Variants in ZNF566 observed in about 807,000 individuals in gnomAD.
ZNF566 encodes the protein zinc finger protein 566.
Under a neutral mutation model 32.8 loss-of-function variants are expected in ZNF566, and 27 were observed. That is an observed-to-expected ratio of 0.82 (90% CI 0.61 to 1.14). ZNF566 has a LOEUF of 1.14. Ranked by LOEUF, ZNF566 falls within the 50% of genes most tolerant of loss-of-function variation. The pLI, the probability that ZNF566 is intolerant of heterozygous loss-of-function variation, is 0.00. For missense variants in ZNF566, 402 were observed against 490.4 expected, an observed-to-expected ratio of 0.82 and a Z score of 1.70; for synonymous variants, 154 against 159.5, an observed-to-expected ratio of 0.97 and a Z score of 0.26.
chr19:36,468,370 T>G lies in ZNF566; in HGVS notation c.232+4541A>C, dbSNP rs180853338. 5.0e-3 allele frequency among the ~76,000 whole-genome samples: 750 copies of G among 151,020 alleles called. 23 individuals are homozygous for G. Among genetic ancestry groups the G allele is most frequent in the African/African-American group, 0.017 (708 of 40,778 alleles). ...CCTGTAATCCCAACACTTTGGGAGG[T>G]TGAGGTGGGAGGATCACTTGAGGCC... is the stretch of plus-strand genomic sequence containing the variant. On this transcript the variant is annotated intron_variant, in intron 4 of 4. Transcript: ENST00000452939.
chr19:36,451,457 G>C (rs918780383), intron 4 of ZNF566, among the ~76,000 whole-genome samples: 7 of 152,158 alleles, frequency 4.6e-5, no homozygotes, highest in Admixed American at 4.6e-4. Context: ...TAGTAGTAAT[G>C]ACTGACTGGC....
intron 4 of ZNF566, among the ~76,000 whole-genome samples, chr19:36,454,355 C>A (rs1460908487): frequency 1.3e-5 from 2 of 151,486 alleles, no homozygotes; most frequent in Non-Finnish European, 2.9e-5. Flanking sequence ...AAAATCAAAT[C>A]AAAAAGAAAG....
At chr19:36,451,117 T>G (rs2033146271) in intron 4 of ZNF566, among the ~76,000 whole-genome samples, 1 of 152,242 alleles carries the variant, frequency 6.6e-6, no homozygotes, top group Non-Finnish European at 1.5e-5. Flanking sequence ...TGGTAGCTTT[T>G]GTACTGGAAG....
rs2033001616 is a variant in ZNF566 at position 36,446,636 on chromosome 19, A to T, written c.*2341T>A. The T allele has an allele frequency of 6.6e-6, 1 of 152,256 alleles. No homozygotes were observed. Among genetic ancestry groups the T allele is most frequent in the Non-Finnish European group, 1.5e-5 (1 of 68,042 alleles). 9.4% of individuals were successfully genotyped at this position (152,256 alleles called of 1,614,324 possible). A position where few individuals can be genotyped will look rare whatever the true frequency, so the allele number is the denominator to read the frequency against. On this transcript the variant is annotated 3_prime_UTR_variant, in exon 5 of 5. Coordinates refer to ENST00000452939, the MANE Select transcript of ZNF566 (RefSeq NM_001145344.1). ...TTAGATGAAGAACTTTATAAAAGACATAAGCACACAAGAAAAGAAAGTAAA... is the reference window on the plus strand; with the variant it reads ...TTAGATGAAGAACTTTATAAAAGACTTAAGCACACAAGAAAAGAAAGTAAA...
intron 4 of ZNF566, chr19:36,456,536 G>C (rs2033319275): frequency 6.7e-6 from 1 of 149,794 alleles, no homozygotes; most frequent in African/African-American, 2.5e-5. Flanking sequence ...ATGAGCAACA[G>C]AGTGAGACTC....
chr19:36,481,742 T>C (rs1036529577), intron 1 of ZNF566, among the ~76,000 whole-genome samples: 6 of 152,092 alleles, frequency 3.9e-5, no homozygotes, highest in Admixed American at 2.6e-4. Context: ...CCTCCAGCAA[T>C]AGAAAAATAC....
chr19:36,466,173 C>T (rs1439593226), intron 4 of ZNF566, among the ~76,000 whole-genome samples: 1 of 151,870 alleles, frequency 6.6e-6, no homozygotes, highest in Middle Eastern at 3.2e-3. Context: ...TAGAGGAAAA[C>T]ATTTTTCTCT....
rs2033010359 is a variant in ZNF566, at chr19:36,447,003, C to G, written c.*1974G>C. ...TTCAAAACACTAACTTAACCCCAAACAAAGCTACACTGTGGACTTTTTTTT... is the reference window on the plus strand; with the variant it reads ...TTCAAAACACTAACTTAACCCCAAAGAAAGCTACACTGTGGACTTTTTTTT... On this transcript the variant is annotated 3_prime_UTR_variant, in exon 5 of 5. Coordinates refer to ENST00000452939, the MANE Select transcript of ZNF566 (RefSeq NM_001145344.1). The G allele has an allele frequency of 1.3e-5, 2 of 151,082 alleles. No homozygotes were observed. The highest frequency in any genetic ancestry group is 1.3e-4 in the Admixed American group (2 of 15,132). 9.4% of individuals were successfully genotyped at this position (151,082 alleles called of 1,614,324 possible).
intron 1 of ZNF566, 31 bp from the exon 2 acceptor site, chr19:36,476,647 C>A (rs1181553853): frequency 1.3e-6 from 2 of 1,568,140 alleles, no homozygotes; most frequent in Non-Finnish European, 1.7e-6. Flanking sequence ...TAGATAAGAC[C>A]CCACTTTCCT....
intron 4 of ZNF566, among the ~76,000 whole-genome samples, chr19:36,466,630 A>T (rs772818782): frequency 6.6e-6 from 1 of 152,232 alleles, no homozygotes; most frequent in Non-Finnish European, 1.5e-5. Context: ...ACATTTGACT[A>T]CAGTAATCAT....
chr19:36,455,836 C>A (rs563520846), intron 4 of ZNF566, among the ~76,000 whole-genome samples: 7 of 151,902 alleles, frequency 4.6e-5, no homozygotes, highest in African/African-American at 1.4e-4. Flanking sequence ...GTCAGGAGAT[C>A]GAGACCATCC....
At chr19:36,468,800 T>C (rs1313942601) in intron 4 of ZNF566, among the ~76,000 whole-genome samples, 1 of 150,946 alleles carries the variant, frequency 6.6e-6, no homozygotes, top group Non-Finnish European at 1.5e-5. Flanking sequence ...TGTAGTCCCA[T>C]CTACTCAGGA....
rs538821234 is a variant in ZNF566, at chr19:36,473,072, C to T, written c.137-66G>A. 1.1e-4 allele frequency: 158 copies of T among 1,412,624 alleles called. 1 individual carries two copies. In the South Asian group the frequency reaches 1.9e-3, roughly 17 times the overall value. 87.5% of individuals were successfully genotyped at this position (1,412,624 alleles called of 1,614,324 possible). A position where few individuals can be genotyped will look rare whatever the true frequency, so the allele number is the denominator to read the frequency against. On this transcript the variant is annotated intron_variant, in intron 3 of 4. Transcript: ENST00000452939. ...ATATCCTAGAATTCAAATCCAGTCCCTTCATTATAAAGAAAGACATGGCAT... is the reference window on the plus strand; with the variant it reads ...ATATCCTAGAATTCAAATCCAGTCCTTTCATTATAAAGAAAGACATGGCAT...
chr19:36,454,322 A>T (rs1363731131), intron 4 of ZNF566, among the ~76,000 whole-genome samples: 1 of 152,218 alleles, frequency 6.6e-6, no homozygotes, highest in East Asian at 1.9e-4. Context: ...AAAGAGAAAG[A>T]CATCAAATCA....
intron 4 of ZNF566, among the ~76,000 whole-genome samples, chr19:36,472,480 T>C (rs1474370745): frequency 6.6e-6 from 1 of 152,118 alleles, no homozygotes; most frequent in South Asian, 2.1e-4. Flanking sequence ...TAAATGTTGG[T>C]AAAAAATATG....
intron 4 of ZNF566, among the ~76,000 whole-genome samples, chr19:36,454,585 A>G (rs2033253321): frequency 6.6e-6 from 1 of 152,172 alleles, no homozygotes; most frequent in Non-Finnish European, 1.5e-5. Context: ...AAGAAGAATC[A>G]TAAGAGACTA....
intron 4 of ZNF566, among the ~76,000 whole-genome samples, chr19:36,459,869 A>G (rs1300329749): frequency 1.4e-5 from 2 of 144,928 alleles, no homozygotes; most frequent in Non-Finnish European, 3.0e-5. Flanking sequence ...CCCAGGTGAG[A>G]GTACAGTGGC....
chr19:36,482,833 TAA>T (rs2034069859), intron 1 of ZNF566, among the ~76,000 whole-genome samples: 1 of 152,224 alleles, frequency 6.6e-6, no homozygotes, highest in African/African-American at 2.4e-5. Flanking sequence ...GAAGAGGTAC[TAA>T]GTGTTTTTGT....
At chr19:36,461,463 G>T (rs1366377283) in intron 4 of ZNF566, among the ~76,000 whole-genome samples, 1 of 152,136 alleles carries the variant, frequency 6.6e-6, no homozygotes. Flanking sequence ...CTGAGGTCAA[G>T]AGTTTGAGAC....
Sources: allele counts gnomAD v4.1 joint callset (sites outside exome capture counted in the v4.1 genomes callset), GRCh38; gene constraint gnomAD v4.1.1; transcripts MANE v1.5; gene names NCBI Gene and HGNC (gene_info 2026-07-23, HGNC 2026-07-21).